BTF3L4: variants seen among roughly 807,000 people sequenced by gnomAD.
BTF3L4 encodes transcription factor BTF3 homolog 4.
A neutral mutation model predicts 16.8 loss-of-function variants in BTF3L4; 6 were observed. The observed-to-expected ratio is 0.36, with a 90% CI of 0.20 to 0.71. BTF3L4 has a LOEUF of 0.71. Ranked by LOEUF, BTF3L4 falls within the 30% of genes least tolerant of loss-of-function variation. The pLI is 0.58. For missense variants in BTF3L4, 92 were observed against 186.9 expected, an observed-to-expected ratio of 0.49 and a Z score of 2.96; for synonymous variants, 39 against 59.8, an observed-to-expected ratio of 0.65 and a Z score of 1.60.
chr1:52,073,493 TACACACACACACACACACACAC>T (rs142147737), intron 3 of BTF3L4, among the ~76,000 whole-genome samples: 2 of 139,272 alleles, frequency 1.4e-5, no homozygotes, highest in Admixed American at 7.4e-5. Flanking sequence ...ATATGCTACA[TACACACACACACACACACACAC>T]ACACACACAC....
rs868428371 is a variant in BTF3L4, at chr1:52,090,094, G to A, written c.*3336G>A. Reference sequence around the variant, plus strand: ...CTTACATTGTAACCTTTCTGACAGGGCTGCTGCGGTGCACAACTTCGGGAG... The same window carrying A: ...CTTACATTGTAACCTTTCTGACAGGACTGCTGCGGTGCACAACTTCGGGAG... On this transcript the variant is annotated 3_prime_UTR_variant, in exon 6 of 6. Coordinates refer to ENST00000313334, the MANE Select transcript of BTF3L4 (RefSeq NM_152265.5). 2.6e-5 allele frequency: 4 copies of A among 152,278 alleles called. No individual in the cohort carries two copies. The highest frequency in any genetic ancestry group is 3.4e-3 in the Middle Eastern group (1 of 294). 9.4% of individuals were successfully genotyped at this position (152,278 alleles called of 1,614,324 possible).
chr1:52,081,652 C>G (rs1274562057), intron 3 of BTF3L4, among the ~76,000 whole-genome samples: 3 of 152,170 alleles, frequency 2.0e-5, no homozygotes, highest in Non-Finnish European at 2.9e-5. Flanking sequence ...TTTATCTTTT[C>G]TGAAGTTAAC....
intron 3 of BTF3L4, among the ~76,000 whole-genome samples, chr1:52,067,188 G>T (rs1364711356): frequency 6.6e-6 from 1 of 152,166 alleles, no homozygotes; most frequent in Non-Finnish European, 1.5e-5. Context: ...AGTGAGCAGA[G>T]ATCATGTGAG....
At chr1:52,073,530 A>G (rs545105854) in intron 3 of BTF3L4, among the ~76,000 whole-genome samples, 2 of 149,184 alleles carry the variant, frequency 1.3e-5, no homozygotes, top group African/African-American at 2.5e-5. Context: ...ACACACACAC[A>G]TATGATTACA....
intron 3 of BTF3L4, among the ~76,000 whole-genome samples, chr1:52,075,541 A>G (rs1390170006): frequency 6.8e-6 from 1 of 147,002 alleles, no homozygotes; most frequent in East Asian, 1.9e-4. Flanking sequence ...AAAAAAAACC[A>G]TATATATAAA....
At chr1:52,059,168 G>A (rs1686448928) in intron 1 of BTF3L4, among the ~76,000 whole-genome samples, 1 of 151,972 alleles carries the variant, frequency 6.6e-6, no homozygotes, top group Non-Finnish European at 1.5e-5. Flanking sequence ...GTCTTGACAA[G>A]TATAACATAC....
At chr1:52,059,136 A>G (rs1216082147) in intron 1 of BTF3L4, among the ~76,000 whole-genome samples, 1 of 151,800 alleles carries the variant, frequency 6.6e-6, no homozygotes, top group African/African-American at 2.4e-5. Flanking sequence ...GCAATGAAGC[A>G]TTTTACCCTG....
intron 2 of BTF3L4, among the ~76,000 whole-genome samples, chr1:52,063,413 T>C (rs1008868760): frequency 5.3e-5 from 8 of 152,126 alleles, no homozygotes; most frequent in African/African-American, 1.9e-4. Flanking sequence ...AGTCAGTCCT[T>C]CAGCAACTAG....
rs570162627 is a variant in BTF3L4 at position 52,080,313 on chromosome 1, C to T, written c.169-3027C>T. On this transcript the variant is annotated intron_variant, in intron 3 of 5. Transcript: ENST00000313334. ...CCTTGGGTATGTTGCTAACAAAGAG[C>T]TTTTGTCTTCAGTGTTTATTTCTTT... Among the ~76,000 whole-genome samples the T allele has an allele frequency of 2.0e-5, 3 of 152,170 alleles. No individual in the cohort carries two copies. In the South Asian group the frequency reaches 6.2e-4, roughly 32 times the overall value.
At chr1:52,060,041 T>C (rs955901573) in intron 2 of BTF3L4, 140 bp downstream of exon 2, 2 of 780,172 alleles carry the variant, frequency 2.6e-6, no homozygotes, top group Non-Finnish European at 4.0e-6. Flanking sequence ...AAATAACTTG[T>C]CTAGATCTAA....
At chr1:52,083,608 G>C in intron 4 of BTF3L4, 67 bp downstream of exon 4, 1 of 1,248,346 alleles carries the variant, frequency 8.0e-7, no homozygotes, top group East Asian at 2.3e-5. Flanking sequence ...CATTTAAAAG[G>C]TGTCCCATCT....
chr1:52,073,527 CACAT>C lies in BTF3L4; in HGVS notation c.168+8591_168+8594del, dbSNP rs993280512. Among the ~76,000 whole-genome samples, 21 of 147,666 alleles carry C rather than the reference CACAT, an allele frequency of 1.4e-4. 1 individual carries two copies. Among genetic ancestry groups the C allele is most frequent in the East Asian group, 9.9e-4 (5 of 5,026 alleles). On this transcript the variant is annotated intron_variant, in intron 3 of 5. Coordinates refer to ENST00000313334, the MANE Select transcript of BTF3L4 (RefSeq NM_152265.5). ...ACACACACACACACACACACACACA[CACAT>C]ATGATTACAGCTAGATGTACAATTT...
intron 2 of BTF3L4, among the ~76,000 whole-genome samples, chr1:52,061,463 G>A (rs1193645704): frequency 4.7e-5 from 7 of 148,206 alleles, no homozygotes; most frequent in Non-Finnish European, 1.0e-4. Flanking sequence ...ACTCCAGCCT[G>A]GGCAACAGAG....
chr1:52,081,071 C>T (rs1643915354), intron 3 of BTF3L4, among the ~76,000 whole-genome samples: 1 of 151,922 alleles, frequency 6.6e-6, no homozygotes, highest in African/African-American at 2.4e-5. Context: ...ATTTCCTGAC[C>T]TCGTGATCCA....
chr1:52,085,169 C>T (rs1021750625), intron 4 of BTF3L4, among the ~76,000 whole-genome samples: 20 of 151,038 alleles, frequency 1.3e-4, no homozygotes, highest in Non-Finnish European at 2.2e-4. Flanking sequence ...TACAGGCGCC[C>T]GCCACTGCGC....
chr1:52,057,659 G>A (rs552961450), intron 1 of BTF3L4, among the ~76,000 whole-genome samples: 1 of 152,254 alleles, frequency 6.6e-6, no homozygotes, highest in Admixed American at 6.5e-5. Flanking sequence ...GCTTGACATC[G>A]CATAGACTGA....
rs1441163369 is a variant in BTF3L4, at chr1:52,086,789, A to G, written c.*31A>G. 6.6e-7 allele frequency: 1 copy of G among 1,515,932 alleles called. No homozygotes were observed. The highest frequency in any genetic ancestry group is 1.9e-5 in the Admixed American group (1 of 53,532). The allele number at this position is 1,515,932 out of a possible 1,614,324, so 93.9% of individuals were successfully genotyped here. ...TGGTTTTTGGAAGCTGGCATGGACTAGATTTAACAAATCAGCTATGTGGTT... is the reference window on the plus strand; with the variant it reads ...TGGTTTTTGGAAGCTGGCATGGACTGGATTTAACAAATCAGCTATGTGGTT... On this transcript the variant is annotated 3_prime_UTR_variant, in exon 6 of 6. Coordinates refer to ENST00000313334, the MANE Select transcript of BTF3L4 (RefSeq NM_152265.5).
At chr1:52,059,977 A>G (rs1686468407) in intron 2 of BTF3L4, 76 bp downstream of exon 2, 1 of 1,370,808 alleles carries the variant, frequency 7.3e-7, no homozygotes, top group Non-Finnish European at 1.0e-6. Flanking sequence ...ATTTGTGGTC[A>G]TTGAAAATCT....
At chr1:52,078,432 A>G (rs566210069) in intron 3 of BTF3L4, among the ~76,000 whole-genome samples, 1 of 152,038 alleles carries the variant, frequency 6.6e-6, no homozygotes, top group Non-Finnish European at 1.5e-5. Flanking sequence ...ATTATTATGT[A>G]CTAGATATTG....
Sources: gnomAD v4.1 joint callset for allele counts (sites outside exome capture counted in the v4.1 genomes callset) on GRCh38, gnomAD v4.1.1 for gene constraint, MANE v1.5 for transcripts, NCBI Gene and HGNC (gene_info 2026-07-23, HGNC 2026-07-21) for gene names.